Variants in RBM44 observed in about 807,000 individuals in gnomAD.
RBM44 encodes RNA-binding protein 44.
Under a neutral mutation model 105.1 loss-of-function variants are expected in RBM44, and 66 were observed. The ratio of observed to expected loss-of-function variants is 0.63; its 90% CI spans 0.52 to 0.77. The LOEUF is 0.77. Ranked by LOEUF, RBM44 falls within the 30% of genes least tolerant of loss-of-function variation. The pLI, the probability that RBM44 is intolerant of heterozygous loss-of-function variation, is 0.00. For missense variants in RBM44, 1,122 were observed against 1,207.8 expected (o/e 0.93, Z 1.05); for synonymous variants, 365 against 417.6 (o/e 0.87, Z 1.54).
chr2:237,813,530 A>G (rs2061680281), intron 1 of RBM44, 62 bp from the exon 2 acceptor site: 1 of 882,540 alleles, frequency 1.1e-6, no homozygotes, highest in South Asian at 1.6e-5. Context: ...TCTGTCCTTT[A>G]TGTAGTTGTC....
chr2:237,840,559 A>C (rs1361696760), intron 15 of RBM44, among the ~76,000 whole-genome samples: 1 of 152,168 alleles, frequency 6.6e-6, no homozygotes, highest in African/African-American at 2.4e-5. Context: ...CAATTACAAC[A>C]AAAAAATTGA....
chr2:237,829,557 G>A, intron 13 of RBM44, 55 bp downstream of exon 13: 1 of 1,421,312 alleles, frequency 7.0e-7, no homozygotes, highest in Non-Finnish European at 9.6e-7. Flanking sequence ...ATTGCTGTAA[G>A]TAGCTTTGTA....
chr2:237,806,331 T>C (rs1190752658), intron 1 of RBM44, among the ~76,000 whole-genome samples: 2 of 152,254 alleles, frequency 1.3e-5, no homozygotes, highest in African/African-American at 2.4e-5. Context: ...TTTCTGGTTC[T>C]ATTAACTTTT....
At chr2:237,799,585 C>T (rs1381552181) in intron 1 of RBM44, among the ~76,000 whole-genome samples, 1 of 152,046 alleles carries the variant, frequency 6.6e-6, no homozygotes, top group Non-Finnish European at 1.5e-5. Flanking sequence ...GGATTACAGG[C>T]GTGAGCCACC....
intron 10 of RBM44, 146 bp from the exon 11 acceptor site, chr2:237,827,099 CTCAGT>C: frequency 1.8e-6 from 1 of 540,616 alleles, no homozygotes; most frequent in Non-Finnish European, 3.3e-6. Flanking sequence ...GCTCTTAGTC[CTCAGT>C]CTAGAAGTGC....
intron 5 of RBM44, 78 bp from the exon 6 acceptor site, chr2:237,820,993 G>A: frequency 1.9e-6 from 2 of 1,055,176 alleles, no homozygotes; most frequent in South Asian, 1.8e-5. Flanking sequence ...CAAGAACCAA[G>A]TGTATAATAT....
chr2:237,840,204 A>AT (rs1403032010), intron 15 of RBM44, among the ~76,000 whole-genome samples: 207 of 151,426 alleles, frequency 1.4e-3, no homozygotes, highest in African/African-American at 4.7e-3. Context: ...AAAAAAAAAA[A>AT]AAAAAAGGGC....
At chr2:237,834,681 G>GTT (rs1335624761) in intron 15 of RBM44, 1 of 183,412 alleles carries the variant, frequency 5.5e-6, no homozygotes, top group Admixed American at 6.3e-5. Flanking sequence ...TAGCCGGGTA[G>GTT]TTTTAGCTCA....
In RBM44 at chr2:237,834,157, T is replaced by C. The variant is rs1241254384; in HGVS notation, c.3032+15T>C. On this transcript the variant is annotated intron_variant, in intron 14 of 15. Coordinates refer to ENST00000316997, the MANE Select transcript of RBM44 (RefSeq NM_001080504.3). ...GAAGTCAGCAGGTAATAACCAAAAT[T>C]ATATTTTAACTGCTTTAAAACTTCT... 1 of 1,547,848 alleles carries C rather than the reference T, an allele frequency of 6.5e-7. No individual in the cohort carries two copies. The highest frequency in any genetic ancestry group is 8.7e-7 in the Non-Finnish European group (1 of 1,147,272).
At position 237,821,150 on chromosome 2, in the gene RBM44, G is replaced by A. The variant is rs771850083; in HGVS notation, c.1993G>A (p.Val665Met). 19 of 1,611,036 alleles carry A rather than the reference G, an allele frequency of 1.2e-5. No homozygotes were observed. Among genetic ancestry groups the A allele is most frequent in the Admixed American group, 1.7e-5 (1 of 59,538 alleles). The change falls in exon 6 of 16, where the codon GTG becomes ATG. Residue 665 changes from valine to methionine, a missense_variant. Physicochemically the swap from Val to Met is conservative, Grantham distance 21 (BLOSUM62 1). Coordinates refer to ENST00000316997, the MANE Select transcript of RBM44 (RefSeq NM_001080504.3). ...TTTGGGGGACTTAAAAGTTAGATAT[G>A]TGACTTTGAAAGAAAAAATACACAA... Reference protein sequence around the residue: ...SLLGDLKVRYVTLKEKIHKGI... With the variant: ...SLLGDLKVRYMTLKEKIHKGI...
At chr2:237,806,134 T>A (rs1380211316) in intron 1 of RBM44, among the ~76,000 whole-genome samples, 1 of 152,240 alleles carries the variant, frequency 6.6e-6, no homozygotes. Flanking sequence ...TTTGTCCACC[T>A]GAGTTGTAGA....
At position 237,817,356 on chromosome 2, in the gene RBM44, A is replaced by G. The variant is rs745488671; in HGVS notation, c.437A>G (p.Asn146Ser). 1.3e-5 allele frequency: 20 copies of G among 1,599,892 alleles called. No homozygotes were observed. The South Asian group carries it at 1.8e-4, about 14-fold the overall frequency. ...CAGAAAAAAGAGGAGGTTTTTTTTA[A>G]TATTTTGGAACATCAAGATAAGACT... ...EVQKKEEVFF[N>S]ILEHQDKTVG... The change falls in exon 3 of 16, where the codon AAT (asparagine) becomes AGT (serine). Residue 146 changes from asparagine to serine, a missense_variant. Coordinates refer to ENST00000316997, the MANE Select transcript of RBM44 (RefSeq NM_001080504.3).
intron 1 of RBM44, among the ~76,000 whole-genome samples, chr2:237,805,097 A>G (rs1349925140): frequency 6.6e-5 from 10 of 152,238 alleles, no homozygotes; most frequent in Admixed American, 6.5e-4. Flanking sequence ...AAAACCCCAT[A>G]GTCTATTCCT....
chr2:237,829,646 T>G lies in RBM44; in HGVS notation c.2886+144T>G, dbSNP rs972107085. The G allele has an allele frequency of 4.1e-6, 3 of 736,284 alleles. No individual in the cohort carries two copies. In the East Asian group the frequency reaches 7.9e-5, roughly 19 times the overall value. The allele number at this position is 736,284 out of a possible 1,614,324, so 45.6% of individuals were successfully genotyped here. A position where few individuals can be genotyped will look rare whatever the true frequency, so the allele number is the denominator to read the frequency against. ...AATTGTTTTCAACCTTGAATCCACC[T>G]CAACCTGCTTTTGTACAACTCCAAT... On this transcript the variant is annotated intron_variant, in intron 13 of 15. Coordinates refer to ENST00000316997, the MANE Select transcript of RBM44 (RefSeq NM_001080504.3).
chr2:237,820,920 G>A lies in RBM44; in HGVS notation c.1914-151G>A, dbSNP rs180699959. On this transcript the variant is annotated intron_variant, in intron 5 of 15. Transcript: ENST00000316997. Reference sequence around the variant, plus strand: ...TTTTACAAATTAGCTGGGCATTGTGGCACACATGTAGTCCTAGCAACTTGC... The same window carrying A: ...TTTTACAAATTAGCTGGGCATTGTGACACACATGTAGTCCTAGCAACTTGC... The A allele has an allele frequency of 7.9e-4, 423 of 533,986 alleles. 3 individuals carry two copies. Among genetic ancestry groups the A allele is most frequent in the African/African-American group, 7.6e-3 (383 of 50,314 alleles). The allele number at this position is 533,986 out of a possible 1,614,324, so 33.1% of individuals were successfully genotyped here.
Position 237,829,210 on chromosome 2 carries a change from G to A in RBM44, c.2601-7G>A. 6.3e-7 allele frequency: 1 copy of A among 1,597,092 alleles called. No individual in the cohort carries two copies. The highest frequency in any genetic ancestry group is 8.5e-7 in the Non-Finnish European group (1 of 1,172,104). On this transcript the variant is annotated splice_polypyrimidine_tract_variant and splice_region_variant and intron_variant, in intron 12 of 15. Coordinates refer to ENST00000316997, the MANE Select transcript of RBM44 (RefSeq NM_001080504.3). ...CAACCTTTTGGTTTTCTGCTCTTAT[G>A]TTTTAGATATGCATCTCTTGCTTTT...
At chr2:237,805,428 A>T (rs1446166477) in intron 1 of RBM44, among the ~76,000 whole-genome samples, 1 of 152,222 alleles carries the variant, frequency 6.6e-6, no homozygotes, top group East Asian at 1.9e-4. Flanking sequence ...CAATCTACAG[A>T]TTCAACACTA....
rs895741816 is a variant in RBM44 at position 237,828,645 on chromosome 2, C to T, written c.2601-572C>T. 3.9e-5 allele frequency among the ~76,000 whole-genome samples: 6 copies of T among 152,068 alleles called. 1 individual carries two copies. The highest frequency in any genetic ancestry group is 4.1e-4 in the South Asian group (2 of 4,822). ...GATTTGGTATATATCCTTCCATTGACGCTGTCTAGGGCTGATGATTTTATA... is the reference window on the plus strand; with the variant it reads ...GATTTGGTATATATCCTTCCATTGATGCTGTCTAGGGCTGATGATTTTATA... On this transcript the variant is annotated intron_variant, in intron 12 of 15. Transcript: ENST00000316997.
intron 1 of RBM44, among the ~76,000 whole-genome samples, chr2:237,800,773 CT>C (rs1297062371): frequency 1.4e-5 from 2 of 147,576 alleles, no homozygotes; most frequent in African/African-American, 5.0e-5. Flanking sequence ...GTTTCCCAGG[CT>C]CGAGTGCAAT....
Sources: allele counts gnomAD v4.1 joint callset (sites outside exome capture counted in the v4.1 genomes callset), GRCh38; gene constraint gnomAD v4.1.1; transcripts MANE v1.5; gene names NCBI Gene and HGNC (gene_info 2026-07-23, HGNC 2026-07-21).